DNAAF10: variants seen among roughly 807,000 people sequenced by gnomAD.
DNAAF10 encodes the protein WD repeat domain 92.
Under a neutral mutation model 43.7 loss-of-function variants are expected in DNAAF10, and 28 were observed. The observed-to-expected ratio is 0.64, with a 90% CI of 0.48 to 0.88. The LOEUF (loss-of-function observed/expected upper bound fraction) is 0.88, where lower values mean the gene tolerates loss of function less well. Among genes scored for constraint, DNAAF10 ranks in the 40% least tolerant of loss-of-function variants. DNAAF10 has a pLI of 0.00. For synonymous variants in DNAAF10, 156 were observed against 157.3 expected (o/e 0.99, Z 0.06); for missense variants, 403 against 439.1 (o/e 0.92, Z 0.73).
chr2:68,141,671 G>T, intron 4 of DNAAF10, 23 bp downstream of exon 4: 2 of 1,602,620 alleles, frequency 1.2e-6, no homozygotes, highest in Non-Finnish European at 1.7e-6. Context: ...TAATTCAAAT[G>T]CAAGAATTCT....
At chr2:68,146,401 A>G (rs1461418729) in intron 2 of DNAAF10, among the ~76,000 whole-genome samples, 4 of 152,234 alleles carry the variant, frequency 2.6e-5, no homozygotes, top group East Asian at 1.9e-4. Flanking sequence ...ACTTTAAAAC[A>G]TTATTTTTTA....
At chr2:68,153,745 GTTTTTTTTTTTTT>G (rs35521976) in intron 1 of DNAAF10, among the ~76,000 whole-genome samples, 23 of 78,446 alleles carry the variant, frequency 2.9e-4, no homozygotes, top group African/African-American at 1.0e-3. Context: ...ACACAATGAA[GTTTTTTTTTTTTT>G]TTTTTTTTTT....
chr2:68,156,991 TC>T, intron 1 of DNAAF10: 1 of 533,502 alleles, frequency 1.9e-6, no homozygotes, highest in Non-Finnish European at 3.3e-6. Context: ...GGTTGCCTCT[TC>T]CAACCACACT....
Position 68,130,113 on chromosome 2 carries a change from G to GATATATATATATATAT in DNAAF10, c.*1124_*1125insATATATATATATATAT, listed in dbSNP as rs1473238532. 1.5e-5 allele frequency: 2 copies of GATATATATATATATAT among 133,616 alleles called. No homozygotes were observed. The highest frequency in any genetic ancestry group is 5.8e-5 in the African/African-American group (2 of 34,652). 8.3% of individuals were successfully genotyped at this position (133,616 alleles called of 1,614,324 possible). On this transcript the variant is annotated 3_prime_UTR_variant, in exon 8 of 8. Transcript: ENST00000295121. Reference sequence around the variant, plus strand: ...ACCAACCGTGCCGTTTTGAGAGAGAGAGATATATATATATATATTTGTTTT... The same window carrying GATATATATATATATAT: ...ACCAACCGTGCCGTTTTGAGAGAGAGATATATATATATATATAGATATATATATATATATTTGTTTT...
chr2:68,140,711 C>T (rs561178859), intron 4 of DNAAF10, among the ~76,000 whole-genome samples: 1 of 152,178 alleles, frequency 6.6e-6, no homozygotes, highest in Non-Finnish European at 1.5e-5. Flanking sequence ...CGTCCTAACA[C>T]CTCTGGCCAT....
chr2:68,151,874 C>A (rs910349610), intron 1 of DNAAF10, among the ~76,000 whole-genome samples: 2 of 152,218 alleles, frequency 1.3e-5, no homozygotes, highest in Non-Finnish European at 2.9e-5. Context: ...ACACTGCAAA[C>A]TAAGTGTTCA....
chr2:68,152,174 G>A (rs541818675), intron 1 of DNAAF10, among the ~76,000 whole-genome samples: 6 of 152,164 alleles, frequency 3.9e-5, no homozygotes, highest in Non-Finnish European at 5.9e-5. Context: ...CTTCATTCAT[G>A]TCTTTACAAG....
chr2:68,137,780 T>C (rs1314806147), intron 5 of DNAAF10, among the ~76,000 whole-genome samples: 4 of 151,488 alleles, frequency 2.6e-5, no homozygotes, highest in Non-Finnish European at 5.9e-5. Context: ...GGCAGGAGAA[T>C]TGCTTGAACC....
chr2:68,135,651 T>C (rs1297513520), intron 6 of DNAAF10, among the ~76,000 whole-genome samples: 1 of 152,176 alleles, frequency 6.6e-6, no homozygotes, highest in Non-Finnish European at 1.5e-5. Context: ...TAGTGAGTGA[T>C]TAGTCTTGAC....
At chr2:68,139,733 G>A (rs931167667) in intron 4 of DNAAF10, among the ~76,000 whole-genome samples, 1 of 151,596 alleles carries the variant, frequency 6.6e-6, no homozygotes, top group African/African-American at 2.4e-5. Flanking sequence ...GAACCTGGGA[G>A]GCAGAGCTTG....
chr2:68,144,482 G>T (rs1673265924), intron 3 of DNAAF10, 103 bp downstream of exon 3: 2 of 1,444,014 alleles, frequency 1.4e-6, no homozygotes, highest in Admixed American at 2.2e-5. Flanking sequence ...GATTTAGGGA[G>T]TCAAGGTGAC....
At chr2:68,146,993 A>C (rs969063188) in intron 2 of DNAAF10, among the ~76,000 whole-genome samples, 1 of 152,204 alleles carries the variant, frequency 6.6e-6, no homozygotes, top group Non-Finnish European at 1.5e-5. Context: ...CCATTCAAAA[A>C]AAGTTTATTT....
chr2:68,154,798 G>T (rs1350940508), intron 1 of DNAAF10, among the ~76,000 whole-genome samples: 2 of 151,866 alleles, frequency 1.3e-5, no homozygotes, highest in African/African-American at 2.4e-5. Flanking sequence ...TTGAGACAGG[G>T]TCTCTCTGTC....
chr2:68,132,472 A>C (rs1323707394), intron 7 of DNAAF10, among the ~76,000 whole-genome samples: 1 of 152,274 alleles, frequency 6.6e-6, no homozygotes, highest in African/African-American at 2.4e-5. Context: ...GCAGTTATTT[A>C]GTATTCAAAA....
At chr2:68,149,056 C>G (rs986758531) in intron 1 of DNAAF10, among the ~76,000 whole-genome samples, 1 of 152,216 alleles carries the variant, frequency 6.6e-6, no homozygotes, top group African/African-American at 2.4e-5. Context: ...CTTCATCCCT[C>G]CCAGGTTGGC....
intron 1 of DNAAF10, among the ~76,000 whole-genome samples, chr2:68,154,539 C>A (rs979233938): frequency 2.0e-5 from 3 of 152,232 alleles, no homozygotes; most frequent in Non-Finnish European, 2.9e-5. Context: ...AGCCACCACA[C>A]CCGGCGTGAA....
intron 2 of DNAAF10, among the ~76,000 whole-genome samples, chr2:68,146,154 T>A (rs1411058322): frequency 6.6e-6 from 1 of 151,926 alleles, no homozygotes; most frequent in African/African-American, 2.4e-5. Context: ...CCTAGCTACT[T>A]GGGAGGCTGA....
In DNAAF10 at chr2:68,130,133, TG is replaced by T. The variant is rs1250754976; in HGVS notation, c.*1104del. ...AGAGAGAGATATATATATATATATT[TG>T]TTTTTTTTTTTTTTGAGACGGAGTC... On this transcript the variant is annotated 3_prime_UTR_variant, in exon 8 of 8. Transcript: ENST00000295121. 67 of 132,804 alleles carry T rather than the reference TG, an allele frequency of 5.0e-4. No individual in the cohort carries two copies. The highest frequency in any genetic ancestry group is 1.7e-3 in the African/African-American group (58 of 34,936). 8.2% of individuals were successfully genotyped at this position (132,804 alleles called of 1,614,324 possible). A position where few individuals can be genotyped will look rare whatever the true frequency, so the allele number is the denominator to read the frequency against.
At chr2:68,143,107 C>T (rs1461248132) in intron 3 of DNAAF10, among the ~76,000 whole-genome samples, 1 of 152,012 alleles carries the variant, frequency 6.6e-6, no homozygotes, top group Non-Finnish European at 1.5e-5. Flanking sequence ...AAGTGATCTT[C>T]CCACCTCAGC....
Sources: gnomAD v4.1 joint callset for allele counts (sites outside exome capture counted in the v4.1 genomes callset) on GRCh38, gnomAD v4.1.1 for gene constraint, MANE v1.5 for transcripts, NCBI Gene and HGNC (gene_info 2026-07-23, HGNC 2026-07-21) for gene names.